TFAP2D: variants seen among roughly 807,000 people sequenced by gnomAD.
TFAP2D encodes transcription factor AP-2 delta, also known as transcription factor AP-2-delta.
Under a neutral mutation model 43.6 loss-of-function variants are expected in TFAP2D, and 9 were observed. That is an observed-to-expected ratio of 0.21 (90% CI 0.12 to 0.36). The LOEUF (loss-of-function observed/expected upper bound fraction) is 0.36, where lower values mean the gene tolerates loss of function less well. Ranked by LOEUF, TFAP2D falls within the 10% of genes least tolerant of loss-of-function variation. The probability of loss-of-function intolerance (pLI) is 1.00; values close to 1 mark genes in which losing one functional copy is unlikely to be tolerated. For missense variants in TFAP2D, 513 were observed against 561.4 expected, an observed-to-expected ratio of 0.91 and a Z score of 0.87; for synonymous variants, 256 against 224.9, an observed-to-expected ratio of 1.14 and a Z score of -1.24.
chr6:50,746,164 A>T (rs1192614037), intron 6 of TFAP2D, among the ~76,000 whole-genome samples: 2 of 152,182 alleles, frequency 1.3e-5, no homozygotes, highest in African/African-American at 2.4e-5. Flanking sequence ...AAGATTTTAG[A>T]ACTGATAGTT....
intron 5 of TFAP2D, among the ~76,000 whole-genome samples, chr6:50,738,849 A>G (rs776009899): frequency 6.6e-6 from 1 of 152,184 alleles, no homozygotes; most frequent in African/African-American, 2.4e-5. Context: ...CCAGCCAGAT[A>G]GAGGCTCTTA....
rs769871422 is a variant in TFAP2D at position 50,728,967 on chromosome 6, G to T, written c.710G>T (p.Arg237Leu). 6.2e-7 allele frequency: 1 copy of T among 1,613,966 alleles called. No homozygotes were observed. The change falls in exon 4 of 8, where the codon CGC becomes CTC. Residue 237 changes from arginine to leucine, a missense_variant. This residue lies in a region of TFAP2D where 311 missense variants were observed against 316.2 expected (regional missense o/e 0.98). Coordinates refer to ENST00000008391, the MANE Select transcript of TFAP2D (RefSeq NM_172238.4). ...GTGACCATTGCTGAGGTAAAGAGGCGCCTCTCCCCACCTGAGTGCCTCAAT... is the reference window on the plus strand; with the variant it reads ...GTGACCATTGCTGAGGTAAAGAGGCTCCTCTCCCCACCTGAGTGCCTCAAT... Reference protein sequence around the residue: ...YKVTIAEVKRRLSPPECLNAS... With the variant: ...YKVTIAEVKRLLSPPECLNAS...
chr6:50,725,629 T>C (rs1342496274), intron 3 of TFAP2D, among the ~76,000 whole-genome samples: 1 of 152,242 alleles, frequency 6.6e-6, no homozygotes, highest in East Asian at 1.9e-4. Flanking sequence ...GGATGACTAC[T>C]GTAAATGGCT....
At chr6:50,728,816 T>C (rs779633701) in intron 3 of TFAP2D, 40 bp from the exon 4 acceptor site, 9 of 1,603,442 alleles carry the variant, frequency 5.6e-6, no homozygotes, top group Non-Finnish European at 7.7e-6. Context: ...TTAGCTTCTT[T>C]CACTGTCACT....
intron 7 of TFAP2D, among the ~76,000 whole-genome samples, chr6:50,758,221 G>A (rs193113132): frequency 2.0e-5 from 3 of 151,994 alleles, no homozygotes; most frequent in Admixed American, 2.0e-4. Context: ...TTGTGTGCTT[G>A]CTGGTGATTA....
In TFAP2D at chr6:50,772,786, T is replaced by C. The variant is rs776907506; in HGVS notation, c.1281T>C (p.His427=). ...GAGCGGCGGATTCTGGCCAAGGACA[T>C]GCCAACTCGGAGAAAGCTCCCCTGC... ...NGGAADSGQG[H]ANSEKAPLRK... Residue 427 remains histidine (H), a synonymous_variant, in exon 8 of 8, where the codon CAT becomes CAC. Coordinates refer to ENST00000008391, the MANE Select transcript of TFAP2D (RefSeq NM_172238.4). 2 of 1,614,108 alleles carry C rather than the reference T, an allele frequency of 1.2e-6. No individual in the cohort carries two copies. The highest frequency in any genetic ancestry group is 2.2e-5 in the East Asian group (1 of 44,872).
At chr6:50,744,984 G>T in intron 5 of TFAP2D, 123 bp from the exon 6 acceptor site, 1 of 1,265,840 alleles carries the variant, frequency 7.9e-7, no homozygotes, top group Non-Finnish European at 1.1e-6. Flanking sequence ...TTCTTGAATA[G>T]TTTAAGTAGG....
At position 50,772,785 on chromosome 6, in the gene TFAP2D, A is replaced by G; in HGVS notation, c.1280A>G (p.His427Arg). 6.2e-7 allele frequency: 1 copy of G among 1,614,154 alleles called. No individual in the cohort carries two copies. Among genetic ancestry groups the G allele is most frequent in the Non-Finnish European group, 8.5e-7 (1 of 1,180,022 alleles). The change falls in exon 8 of 8, where the codon CAT (histidine) becomes CGT (arginine). Residue 427 changes from histidine to arginine, a missense_variant. Physicochemically the swap from His to Arg is conservative, Grantham distance 29. This residue lies in a region of TFAP2D where 199 missense variants were observed against 227.9 expected (regional missense o/e 0.87). Transcript: ENST00000008391. ...GGAGCGGCGGATTCTGGCCAAGGACATGCCAACTCGGAGAAAGCTCCCCTG... is the reference window on the plus strand; with the variant it reads ...GGAGCGGCGGATTCTGGCCAAGGACGTGCCAACTCGGAGAAAGCTCCCCTG... ...NGGAADSGQG[H>R]ANSEKAPLRK...
rs951037043 is a variant in TFAP2D, at chr6:50,722,016, A to G, written c.598+2866A>G. ...TTGTTCTTCACATTTGGTGACTTCA[A>G]CTTGTAAAGAACAAAATAGCGTCGC... On this transcript the variant is annotated intron_variant, in intron 3 of 7. Coordinates refer to ENST00000008391, the MANE Select transcript of TFAP2D (RefSeq NM_172238.4). Among the ~76,000 whole-genome samples, 3 of 152,338 alleles carry G rather than the reference A, an allele frequency of 2.0e-5. No homozygotes were observed. The East Asian group carries it at 5.8e-4, about 29-fold the overall frequency.
chr6:50,765,645 AT>A (rs1769430657), intron 7 of TFAP2D, among the ~76,000 whole-genome samples: 1 of 151,456 alleles, frequency 6.6e-6, no homozygotes, highest in Non-Finnish European at 1.5e-5. Context: ...CTTACTATCC[AT>A]TTGTATGTCA....
At chr6:50,758,684 G>T (rs1277606662) in intron 7 of TFAP2D, among the ~76,000 whole-genome samples, 2 of 152,004 alleles carry the variant, frequency 1.3e-5, no homozygotes, top group Non-Finnish European at 2.9e-5. Flanking sequence ...AGTGTGCATA[G>T]TTTTTGTTTT....
intron 7 of TFAP2D, among the ~76,000 whole-genome samples, chr6:50,765,120 C>T (rs775136621): frequency 5.9e-5 from 9 of 152,178 alleles, no homozygotes; most frequent in Non-Finnish European, 5.9e-5. Flanking sequence ...CAACCACCCT[C>T]TACTCTGTTT....
intron 6 of TFAP2D, among the ~76,000 whole-genome samples, chr6:50,747,267 T>C (rs1405181951): frequency 1.3e-5 from 2 of 152,146 alleles, no homozygotes; most frequent in Non-Finnish European, 2.9e-5. Context: ...TTTGAATCCT[T>C]TGCATTACCG....
chr6:50,760,196 T>C (rs1780906864), intron 7 of TFAP2D, among the ~76,000 whole-genome samples: 2 of 152,030 alleles, frequency 1.3e-5, no homozygotes, highest in South Asian at 2.1e-4. Flanking sequence ...TACATAAAAC[T>C]AAGATTCCGC....
At chr6:50,728,785 T>G (rs967851466) in intron 3 of TFAP2D, 71 bp from the exon 4 acceptor site, 4 of 1,480,494 alleles carry the variant, frequency 2.7e-6, no homozygotes, top group Non-Finnish European at 2.8e-6. Context: ...AGTCTTTTGA[T>G]GTTAACTGCC....
At chr6:50,728,680 T>A (rs1768841582) in intron 3 of TFAP2D, among the ~76,000 whole-genome samples, 176 bp from the exon 4 acceptor site, 1 of 152,190 alleles carries the variant, frequency 6.6e-6, no homozygotes, top group Non-Finnish European at 1.5e-5. Context: ...GACATGACCC[T>A]GAGTAGTATT....
chr6:50,728,155 A>G (rs1354481660), intron 3 of TFAP2D, among the ~76,000 whole-genome samples: 1 of 152,212 alleles, frequency 6.6e-6, no homozygotes, highest in Non-Finnish European at 1.5e-5. Flanking sequence ...TACAATTTAC[A>G]TTTACAATGA....
intron 7 of TFAP2D, 84 bp downstream of exon 7, chr6:50,751,408 C>A: frequency 1.1e-6 from 1 of 929,086 alleles, no homozygotes; most frequent in Non-Finnish European, 1.7e-6. Flanking sequence ...AGAGATACCA[C>A]TTATATGTTT....
chr6:50,760,068 T>C (rs1488720428), intron 7 of TFAP2D, among the ~76,000 whole-genome samples: 1 of 152,040 alleles, frequency 6.6e-6, no homozygotes, highest in East Asian at 1.9e-4. Context: ...AGTATGACAA[T>C]GCATATTGGC....
Sources: allele counts gnomAD v4.1 joint callset (sites outside exome capture counted in the v4.1 genomes callset), GRCh38; gene constraint gnomAD v4.1.1; regional missense constraint gnomAD v4.1.1; transcripts MANE v1.5; gene names NCBI Gene and HGNC (gene_info 2026-07-23, HGNC 2026-07-21).